ZC3H13: variants seen among roughly 807,000 people sequenced by gnomAD.
ZC3H13 encodes zinc finger CCCH-type containing 13.
A neutral mutation model predicts 204.1 loss-of-function variants in ZC3H13; 64 were observed. The ratio of observed to expected loss-of-function variants is 0.31; its 90% CI spans 0.26 to 0.39. The LOEUF (loss-of-function observed/expected upper bound fraction) is 0.39, where lower values mean the gene tolerates loss of function less well. Among genes scored for constraint, ZC3H13 ranks in the 10% least tolerant of loss-of-function variants. ZC3H13 has a pLI of 1.00. For synonymous variants in ZC3H13, 667 were observed against 693.7 expected, an observed-to-expected ratio of 0.96 and a Z score of 0.60; for missense variants, 1,833 against 2,082.7, an observed-to-expected ratio of 0.88 and a Z score of 2.33.
chr13:45,963,011 G>A lies in ZC3H13; in HGVS notation c.4675+831C>T, dbSNP rs561117695. On this transcript the variant is annotated intron_variant, in intron 17 of 18. Transcript: ENST00000679008. Reference sequence around the variant, plus strand: ...CTGCAGTGAGGTCAAAAATCAGCGTGATAGGATATTTTCAAAGTAGCAGTT... The same window carrying A: ...CTGCAGTGAGGTCAAAAATCAGCGTAATAGGATATTTTCAAAGTAGCAGTT... 7.7e-5 allele frequency: 76 copies of A among 985,414 alleles called. No individual in the cohort carries two copies. In the African/African-American group the frequency reaches 1.3e-3, roughly 17 times the overall value. The allele number at this position is 985,414 out of a possible 1,614,324, so 61.0% of individuals were successfully genotyped here.
intron 9 of ZC3H13, among the ~76,000 whole-genome samples, chr13:45,988,402 T>C (rs1458589773): frequency 6.6e-6 from 1 of 152,040 alleles, no homozygotes; most frequent in Non-Finnish European, 1.5e-5. Flanking sequence ...GGACTACAGG[T>C]GCATGCCACC....
intron 7 of ZC3H13, among the ~76,000 whole-genome samples, chr13:46,006,354 T>TATAAA (rs908406965): frequency 1.8e-4 from 28 of 152,016 alleles, no homozygotes; most frequent in Admixed American, 2.6e-4. Context: ...CCTGCAAAAA[T>TATAAA]ATAAAATAAA....
intron 4 of ZC3H13, among the ~76,000 whole-genome samples, chr13:46,023,977 G>A (rs1280563296): frequency 1.3e-5 from 2 of 152,158 alleles, no homozygotes; most frequent in Non-Finnish European, 2.9e-5. Context: ...AACTATCAAG[G>A]TAATAGCCAT....
At chr13:46,041,416 G>C (rs1285937325) in intron 4 of ZC3H13, among the ~76,000 whole-genome samples, 1 of 152,100 alleles carries the variant, frequency 6.6e-6, no homozygotes, top group African/African-American at 2.4e-5. Flanking sequence ...CCTAGGGCTG[G>C]TGGCTAGGAG....
At chr13:46,032,953 T>C (rs1276722906) in intron 4 of ZC3H13, among the ~76,000 whole-genome samples, 1 of 151,838 alleles carries the variant, frequency 6.6e-6, no homozygotes, top group African/African-American at 2.4e-5. Context: ...TGATTATATA[T>C]ACACTAATTT....
intron 4 of ZC3H13, among the ~76,000 whole-genome samples, chr13:46,037,376 T>C (rs1171372344): frequency 6.6e-6 from 1 of 152,192 alleles, no homozygotes; most frequent in African/African-American, 2.4e-5. Flanking sequence ...ATTATCTAAT[T>C]CTTTCTTGAA....
intron 5 of ZC3H13, among the ~76,000 whole-genome samples, chr13:46,013,096 G>C (rs111721625): frequency 0.016 from 2,461 of 152,208 alleles, 35 homozygotes; most frequent in Non-Finnish European, 0.022. Flanking sequence ...TCCAACCAAG[G>C]GGGAGAGGCC....
rs146242071 is a variant in ZC3H13 at position 46,025,695 on chromosome 13, T to A, written c.340-5138A>T. 1.3e-3 allele frequency among the ~76,000 whole-genome samples: 201 copies of A among 152,318 alleles called. 1 individual carries two copies. The highest frequency in any genetic ancestry group is 4.7e-3 in the African/African-American group (194 of 41,592). ...AACTTAGTTTCAAAGAACACTAACA[T>A]TATCAACCAATTCCTGGATTTTCTT... On this transcript the variant is annotated intron_variant, in intron 4 of 18. Transcript: ENST00000679008.
chr13:46,050,768 C>A (rs139551009), intron 1 of ZC3H13, among the ~76,000 whole-genome samples: 1 of 151,998 alleles, frequency 6.6e-6, no homozygotes, highest in Non-Finnish European at 1.5e-5. Context: ...AAGCTGACTA[C>A]ATAGGAATTA....
At chr13:45,968,614 C>T (rs1463745574) in intron 14 of ZC3H13, 134 bp downstream of exon 14, 1 of 1,219,826 alleles carries the variant, frequency 8.2e-7, no homozygotes, top group Non-Finnish European at 1.1e-6. Flanking sequence ...GGCAGCTAAA[C>T]TTTTCTTTAA....
At chr13:46,009,174 T>C (rs897125411) in intron 7 of ZC3H13, among the ~76,000 whole-genome samples, 1 of 151,988 alleles carries the variant, frequency 6.6e-6, no homozygotes, top group African/African-American at 2.4e-5. Flanking sequence ...AGCTAGAGAT[T>C]GAAGAATTGA....
Position 45,967,792 on chromosome 13 carries a change from G to C in ZC3H13, c.4033C>G (p.Arg1345Gly). ...CTCCTTTTGTCTCGTTCTCTCTCTC[G>C]TTCTCGTTCTCGCAATCTATCTCGA... ...RDRDRLRERE[R>G]ERERDKRRDL... Residue 1345 changes from arginine (R) to glycine (G), a missense_variant, in exon 15 of 19, where the codon CGA (arginine) becomes GGA (glycine). Around this residue, in one of 5 missense-constraint regions of ZC3H13, gnomAD observed 1,574 missense variants for 1,757.2 expected, o/e 0.90. Coordinates refer to ENST00000679008, the MANE Select transcript of ZC3H13 (RefSeq NM_001330564.2). 6.2e-7 allele frequency: 1 copy of C among 1,611,564 alleles called. No individual in the cohort carries two copies. The highest frequency in any genetic ancestry group is 8.5e-7 in the Non-Finnish European group (1 of 1,178,798).
Position 45,956,174 on chromosome 13 carries a change from A to G in ZC3H13, c.*953T>C, listed in dbSNP as rs1471530033. 6.6e-6 allele frequency: 1 copy of G among 152,206 alleles called. No homozygotes were observed. Among genetic ancestry groups the G allele is most frequent in the East Asian group, 1.9e-4 (1 of 5,200 alleles). 9.4% of individuals were successfully genotyped at this position (152,206 alleles called of 1,614,324 possible). Reference sequence around the variant, plus strand: ...TATAATCAAAAGTTATAGCTCTAAAAAATATGATAGTAGAATATTAAACCT... The same window carrying G: ...TATAATCAAAAGTTATAGCTCTAAAGAATATGATAGTAGAATATTAAACCT... On this transcript the variant is annotated 3_prime_UTR_variant, in exon 19 of 19. Coordinates refer to ENST00000679008, the MANE Select transcript of ZC3H13 (RefSeq NM_001330564.2).
rs866642134 is a variant in ZC3H13 at position 45,983,401 on chromosome 13, T to A, written c.1720+1896A>T. On this transcript the variant is annotated intron_variant, in intron 10 of 18. Coordinates refer to ENST00000679008, the MANE Select transcript of ZC3H13 (RefSeq NM_001330564.2). ...TGAAACAAAGCAAAGCCCCTTCTACTTATATATATATATTTTTTTTTTTTT... is the reference window on the plus strand; with the variant it reads ...TGAAACAAAGCAAAGCCCCTTCTACATATATATATATATTTTTTTTTTTTT... Among the ~76,000 whole-genome samples, 109 of 35,388 alleles carry A rather than the reference T, an allele frequency of 3.1e-3. 3 individuals carry two copies. The highest frequency in any genetic ancestry group is 5.7e-3 in the African/African-American group (32 of 5,574). The allele number at this position is 35,388 out of a possible 152,430, so 23.2% of individuals were successfully genotyped here.
intron 4 of ZC3H13, among the ~76,000 whole-genome samples, chr13:46,040,265 G>C (rs1226607264): frequency 2.0e-5 from 3 of 152,042 alleles, no homozygotes; most frequent in Non-Finnish European, 2.9e-5. Flanking sequence ...TTTACCATGG[G>C]TCAAAAACAG....
At chr13:45,997,257 T>C (rs1290547775) in intron 8 of ZC3H13, among the ~76,000 whole-genome samples, 1 of 152,216 alleles carries the variant, frequency 6.6e-6, no homozygotes, top group Non-Finnish European at 1.5e-5. Context: ...GAATTTCGTA[T>C]TAAACTTACA....
intron 9 of ZC3H13, among the ~76,000 whole-genome samples, chr13:45,986,478 C>T (rs1310310392): frequency 2.0e-5 from 3 of 152,092 alleles, no homozygotes; most frequent in African/African-American, 4.8e-5. Flanking sequence ...AAAATAAATA[C>T]TTGCACTTTT....
chr13:46,044,962 A>G lies in ZC3H13; in HGVS notation c.220T>C (p.Tyr74His). ...SPRGKGYSSN[Y>H]RRSPERPTGD... ...ACAAAGTTCTCAGTTTACCTTCTAT[A>G]ATTGCTGCTATAACCTTTACCACGA... is the stretch of plus-strand genomic sequence containing the variant. Residue 74 changes from tyrosine (Y) to histidine (H), a missense_variant, in exon 3 of 19, where the codon TAT (tyrosine) becomes CAT (histidine). Coordinates refer to ENST00000679008, the MANE Select transcript of ZC3H13 (RefSeq NM_001330564.2). The G allele has an allele frequency of 6.2e-7, 1 of 1,609,156 alleles. No homozygotes were observed. Among genetic ancestry groups the G allele is most frequent in the Non-Finnish European group, 8.5e-7 (1 of 1,177,542 alleles).
chr13:46,013,526 G>A (rs1309511331), intron 5 of ZC3H13, among the ~76,000 whole-genome samples: 2 of 152,046 alleles, frequency 1.3e-5, no homozygotes, highest in African/African-American at 2.4e-5. Context: ...CTTATTTTAC[G>A]CATATAATAA....
Sources: allele counts gnomAD v4.1 joint callset (sites outside exome capture counted in the v4.1 genomes callset), GRCh38; gene constraint gnomAD v4.1.1; regional missense constraint gnomAD v4.1.1; transcripts MANE v1.5; gene names NCBI Gene and HGNC (gene_info 2026-07-23, HGNC 2026-07-21).